PCNX1: variants seen among roughly 807,000 people sequenced by gnomAD.
PCNX1 encodes pecanex-like protein 1.
Under a neutral mutation model 242.2 loss-of-function variants are expected in PCNX1, and 78 were observed. The observed-to-expected ratio is 0.32, with a 90% CI of 0.27 to 0.39. The LOEUF is 0.39. PCNX1 is among the 10% of genes least tolerant of loss of function. The pLI, the probability that PCNX1 is intolerant of heterozygous loss-of-function variation, is 1.00. For synonymous variants in PCNX1, 1,024 were observed against 1,032.9 expected, an observed-to-expected ratio of 0.99 and a Z score of 0.17; for missense variants, 2,581 against 2,856.5, an observed-to-expected ratio of 0.90 and a Z score of 2.20.
chr14:70,998,158 A>G (rs2059406615), intron 8 of PCNX1, among the ~76,000 whole-genome samples: 1 of 152,198 alleles, frequency 6.6e-6, no homozygotes, highest in Non-Finnish European at 1.5e-5. Context: ...ACATTGTTTA[A>G]TTCTAAGCCT....
At chr14:70,931,976 A>G (rs2140165340) in intron 1 of PCNX1, among the ~76,000 whole-genome samples, 1 of 152,304 alleles carries the variant, frequency 6.6e-6, no homozygotes, top group Non-Finnish European at 1.5e-5. Context: ...ATACAAAATT[A>G]GCTGGGCGTG....
At chr14:70,961,616 CT>C (rs1040458183) in intron 2 of PCNX1, among the ~76,000 whole-genome samples, 1 of 152,132 alleles carries the variant, frequency 6.6e-6, no homozygotes, top group African/African-American at 2.4e-5. Flanking sequence ...GCATCACTTT[CT>C]TTTTTTAACC....
At chr14:70,991,353 C>T (rs1328949602) in intron 7 of PCNX1, among the ~76,000 whole-genome samples, 3 of 151,754 alleles carry the variant, frequency 2.0e-5, no homozygotes, top group Non-Finnish European at 4.4e-5. Context: ...TACAGGTGCC[C>T]GCCACCATGC....
chr14:70,974,275 G>T (rs1409397646), intron 5 of PCNX1, among the ~76,000 whole-genome samples: 1 of 136,894 alleles, frequency 7.3e-6, no homozygotes, highest in Non-Finnish European at 1.5e-5. Flanking sequence ...AGGGAGTCTC[G>T]CTCTGTTGCC....
chr14:70,972,315 C>T (rs566291534), intron 5 of PCNX1, among the ~76,000 whole-genome samples: 10 of 151,754 alleles, frequency 6.6e-5, no homozygotes, highest in Non-Finnish European at 1.2e-4. Flanking sequence ...TGCTGTTAGA[C>T]CTGTAAGCAG....
intron 19 of PCNX1, among the ~76,000 whole-genome samples, chr14:71,038,835 A>G (rs573056154): frequency 9.2e-5 from 14 of 151,442 alleles, no homozygotes; most frequent in Non-Finnish European, 1.6e-4. Context: ...ATGTCCAACA[A>G]TGATAGACTG....
At chr14:71,046,824 C>A in intron 20 of PCNX1, 140 bp from the exon 21 acceptor site, 1 of 552,168 alleles carries the variant, frequency 1.8e-6, no homozygotes, top group Non-Finnish European at 3.1e-6. Context: ...TAGAAGTTGA[C>A]AGTTGATTAA....
chr14:71,105,727 G>C (rs1463309244), intron 33 of PCNX1, among the ~76,000 whole-genome samples: 1 of 151,192 alleles, frequency 6.6e-6, no homozygotes, highest in Admixed American at 6.6e-5. Context: ...ATTTTTAGTA[G>C]AGACAGGGTT....
chr14:70,948,305 T>C (rs569170761), intron 2 of PCNX1, among the ~76,000 whole-genome samples: 2 of 152,224 alleles, frequency 1.3e-5, no homozygotes, highest in East Asian at 1.9e-4. Context: ...CCTGCCGACA[T>C]GTGATGTCTC....
chr14:70,999,106 G>C (rs1196541541), intron 8 of PCNX1, among the ~76,000 whole-genome samples: 2 of 152,160 alleles, frequency 1.3e-5, no homozygotes, highest in East Asian at 1.9e-4. Context: ...AGTCACACAA[G>C]AGACTGAATC....
chr14:71,078,582 C>T (rs2061774496), intron 28 of PCNX1: 1 of 152,218 alleles, frequency 6.6e-6, no homozygotes, highest in African/African-American at 2.4e-5. Context: ...GGGACTAGGG[C>T]ACACGCCTTC....
At chr14:70,967,263 T>C (rs1010648573) in intron 3 of PCNX1, among the ~76,000 whole-genome samples, 3 of 152,244 alleles carry the variant, frequency 2.0e-5, no homozygotes, top group Non-Finnish European at 1.5e-5. Flanking sequence ...TCTTGTGATA[T>C]ACACCTACTA....
intron 30 of PCNX1, among the ~76,000 whole-genome samples, chr14:71,097,477 C>T (rs1398815379): frequency 6.6e-6 from 1 of 152,072 alleles, no homozygotes; most frequent in Admixed American, 6.6e-5. Context: ...TGTTTTTTGA[C>T]TTTTTAATAA....
intron 2 of PCNX1, among the ~76,000 whole-genome samples, chr14:70,951,595 G>T (rs1224400241): frequency 6.6e-6 from 1 of 152,052 alleles, no homozygotes; most frequent in Non-Finnish European, 1.5e-5. Context: ...GGCTGGTGCT[G>T]GACTCCCGAC....
At chr14:70,937,495 C>A (rs1330603523) in intron 1 of PCNX1, among the ~76,000 whole-genome samples, 4 of 152,012 alleles carry the variant, frequency 2.6e-5, no homozygotes, top group African/African-American at 4.8e-5. Context: ...CGGTCTATAT[C>A]TCTGTTTTGG....
At chr14:70,951,211 T>TA (rs2057764839) in intron 2 of PCNX1, among the ~76,000 whole-genome samples, 1 of 152,214 alleles carries the variant, frequency 6.6e-6, no homozygotes, top group Non-Finnish European at 1.5e-5. Context: ...TGTATATACT[T>TA]ATGCTAGTTT....
At chr14:70,949,130 A>T (rs56195946) in intron 2 of PCNX1, among the ~76,000 whole-genome samples, 4,714 of 117,668 alleles carry the variant, frequency 0.04, 224 homozygotes, top group African/African-American at 0.12. Context: ...GTATATATGT[A>T]CATATACACA....
At chr14:70,954,699 G>A (rs969265444) in intron 2 of PCNX1, among the ~76,000 whole-genome samples, 1 of 151,948 alleles carries the variant, frequency 6.6e-6, no homozygotes, top group Non-Finnish European at 1.5e-5. Context: ...ATGTTCCCTT[G>A]TCTATATGAT....
At chr14:70,944,870 T>C (rs2057397436) in intron 1 of PCNX1, among the ~76,000 whole-genome samples, 1 of 152,210 alleles carries the variant, frequency 6.6e-6, no homozygotes, top group Non-Finnish European at 1.5e-5. Flanking sequence ...TTGGTATTCA[T>C]TTCTCTCTCC....
Sources: allele counts gnomAD v4.1 joint callset (sites outside exome capture counted in the v4.1 genomes callset), GRCh38; gene constraint gnomAD v4.1.1; transcripts MANE v1.5; gene names NCBI Gene and HGNC (gene_info 2026-07-23, HGNC 2026-07-21).